HGSNAT: variants seen among roughly 807,000 people sequenced by gnomAD.
HGSNAT encodes heparan-alpha-glucosaminide N-acetyltransferase, also known as transmembrane protein 76.
In HGSNAT, 59 loss-of-function variants were observed where a neutral mutation model predicts 85.2. The ratio of observed to expected loss-of-function variants is 0.69; its 90% CI spans 0.56 to 0.86. The LOEUF is 0.86. Among genes scored for constraint, HGSNAT ranks in the 40% least tolerant of loss-of-function variants. The probability of loss-of-function intolerance (pLI) is 0.00; values close to 1 mark genes in which losing one functional copy is unlikely to be tolerated. For synonymous variants in HGSNAT, 321 were observed against 304.5 expected (o/e 1.05, Z -0.56); for missense variants, 756 against 777.1 (o/e 0.97, Z 0.32).
rs1311275746 is a variant in HGSNAT at position 43,197,715 on chromosome 8, G to C, written c.1586G>C (p.Gly529Ala). 8 of 1,613,318 alleles carry C rather than the reference G, an allele frequency of 5.0e-6. No homozygotes were observed. Among genetic ancestry groups the C allele is most frequent in the Non-Finnish European group, 6.8e-6 (8 of 1,179,424 alleles). Residue 529 changes from glycine (G) to alanine (A), a missense_variant, in exon 16 of 18, where the codon GGC (glycine) becomes GCC (alanine). Transcript: ENST00000379644. ...VALTKVSENE[G>A]FIPVNKNLWS... Reference sequence around the variant, plus strand: ...CTGACGAAGGTTTCTGAAAATGAAGGCTTTATTCCAGTAAACAAAAATCTC... The same window carrying C: ...CTGACGAAGGTTTCTGAAAATGAAGCCTTTATTCCAGTAAACAAAAATCTC...
chr8:43,173,744 G>C lies in HGSNAT; in HGVS notation c.851+1G>C. The C allele has an allele frequency of 6.2e-7, 1 of 1,612,188 alleles. No individual in the cohort carries two copies. Among genetic ancestry groups the C allele is most frequent in the Non-Finnish European group, 8.5e-7 (1 of 1,179,124 alleles). ...CAGTGGCTGACCTCGTGTTCCCGTG[G>C]TGAGTTGCCGGTCTGCCCTCTTCTC... On this transcript the variant is annotated splice_donor_variant, in intron 9 of 17. Coordinates refer to ENST00000379644, the MANE Select transcript of HGSNAT (RefSeq NM_152419.3). LOFTEE classifies it high-confidence loss of function.
intron 2 of HGSNAT, among the ~76,000 whole-genome samples, chr8:43,153,598 A>G (rs932100645): frequency 2.0e-5 from 3 of 152,056 alleles, no homozygotes; most frequent in Non-Finnish European, 4.4e-5. Context: ...CTCTTCATCT[A>G]TTTTGCAATA....
rs111450094 is a variant in HGSNAT at position 43,192,084 on chromosome 8, A to G, written c.1251-220A>G. 0.026 allele frequency among the ~76,000 whole-genome samples: 3,906 copies of G among 152,144 alleles called. 168 individuals are homozygous for G. The highest frequency in any genetic ancestry group is 0.09 in the African/African-American group (3,741 of 41,484). ...GCTGGGATTACAGGCGCACACCACC[A>G]TGCCCGGCTAATTTTTGTATTTTAA... On this transcript the variant is annotated intron_variant, in intron 12 of 17. Transcript: ENST00000379644.
intron 1 of HGSNAT, among the ~76,000 whole-genome samples, chr8:43,141,597 T>C (rs969614961): frequency 6.6e-6 from 1 of 152,018 alleles, no homozygotes; most frequent in East Asian, 1.9e-4. Context: ...CACCTGTCTT[T>C]CCCCTCTCGC....
rs1803163166 is a variant in HGSNAT, at chr8:43,158,512, C to T, written c.235-63C>T. The T allele has an allele frequency of 4.4e-6, 7 of 1,577,534 alleles. No individual in the cohort carries two copies. The Admixed American group carries it at 1.0e-4, about 23-fold the overall frequency. The stretch of plus-strand genomic sequence containing the variant: ...GGATCTCCAGTTGGATATTTATGTC[C>T]TCCAGCAATCAACAGATGTTGAAAA... On this transcript the variant is annotated intron_variant, in intron 2 of 17. Coordinates refer to ENST00000379644, the MANE Select transcript of HGSNAT (RefSeq NM_152419.3).
At chr8:43,183,964 T>G (rs1446673938) in intron 11 of HGSNAT, among the ~76,000 whole-genome samples, 1 of 152,136 alleles carries the variant, frequency 6.6e-6, no homozygotes, top group African/African-American at 2.4e-5. Context: ...AGGACATGAA[T>G]TCATCCTTTT....
intron 10 of HGSNAT, among the ~76,000 whole-genome samples, chr8:43,181,312 T>C (rs1804115158): frequency 6.6e-6 from 1 of 151,782 alleles, no homozygotes; most frequent in African/African-American, 2.4e-5. Context: ...GCTGGGTTTC[T>C]GGAAGGAGTA....
At position 43,140,465 on chromosome 8, in the gene HGSNAT, G is replaced by C. The variant is rs938459078; in HGVS notation, c.-32G>C. On this transcript the variant is annotated 5_prime_UTR_variant, in exon 1 of 18. Coordinates refer to ENST00000379644, the MANE Select transcript of HGSNAT (RefSeq NM_152419.3). The stretch of plus-strand genomic sequence containing the variant: ...GAGCAGCGCAGGGCGGGGCGCAGCG[G>C]GCAGGCAAGGGCGGCCGAGCGGGCG... The C allele has an allele frequency of 1.1e-6, 1 of 911,892 alleles. No homozygotes were observed. The highest frequency in any genetic ancestry group is 1.3e-6 in the Non-Finnish European group (1 of 762,222). 56.5% of individuals were successfully genotyped at this position (911,892 alleles called of 1,614,324 possible).
intron 12 of HGSNAT, among the ~76,000 whole-genome samples, 152 bp downstream of exon 12, chr8:43,191,747 G>T (rs189140945): frequency 2.0e-5 from 3 of 152,232 alleles, no homozygotes; most frequent in Admixed American, 2.0e-4. Context: ...AGATTGGCAC[G>T]TGTCCAGAGT....
chr8:43,191,409 A>G, intron 11 of HGSNAT, 65 bp from the exon 12 acceptor site: 2 of 1,568,106 alleles, frequency 1.3e-6, no homozygotes, highest in Non-Finnish European at 1.7e-6. Context: ...TCCTAAAGAC[A>G]TGTGCTTAGT....
At chr8:43,140,666 C>A in intron 1 of HGSNAT, 52 bp downstream of exon 1, 1 of 941,692 alleles carries the variant, frequency 1.1e-6, no homozygotes, top group South Asian at 3.0e-5. Flanking sequence ...GCAGCGTCTC[C>A]TCTCCGCGGC....
chr8:43,147,045 A>G lies in HGSNAT; in HGVS notation c.216A>G (p.Lys72=). 1 of 1,599,044 alleles carries G rather than the reference A, an allele frequency of 6.3e-7. No individual in the cohort carries two copies. Among genetic ancestry groups the G allele is most frequent in the Non-Finnish European group, 8.5e-7 (1 of 1,172,956 alleles). The part of the protein sequence containing the change: ...LLWTNLTVYW[K]SECCYHCLFQ... ...GGACCAACTTGACCGTCTACTGGAA[A>G]TCTGAATGCTGTTATCACGTATGTA... The change falls in exon 2 of 18, where the codon AAA becomes AAG. Residue 72 remains lysine, a synonymous_variant. Coordinates refer to ENST00000379644, the MANE Select transcript of HGSNAT (RefSeq NM_152419.3).
At chr8:43,153,332 T>C (rs1456847537) in intron 2 of HGSNAT, among the ~76,000 whole-genome samples, 1 of 152,096 alleles carries the variant, frequency 6.6e-6, no homozygotes, top group Admixed American at 6.6e-5. Flanking sequence ...AAAAAAAATT[T>C]TAAAAGGCAG....
chr8:43,154,459 C>T (rs1267108091), intron 2 of HGSNAT, among the ~76,000 whole-genome samples: 2 of 151,328 alleles, frequency 1.3e-5, no homozygotes, highest in Non-Finnish European at 2.9e-5. Flanking sequence ...GTTTTTTGTC[C>T]TTGCGATAGT....
Position 43,150,991 on chromosome 8 carries a change from A to C in HGSNAT, c.234+3928A>C, listed in dbSNP as rs181292089. ...AAACTTGTACTTTTTGATGAAGTAG[A>C]TATTAGAATAAAAGGGGCTAGTTAA... On this transcript the variant is annotated intron_variant, in intron 2 of 17. Transcript: ENST00000379644. Among the ~76,000 whole-genome samples, 18 of 152,304 alleles carry C rather than the reference A, an allele frequency of 1.2e-4. No homozygotes were observed. In the East Asian group the frequency reaches 2.3e-3, roughly 20 times the overall value.
chr8:43,190,111 G>C (rs972765926), intron 11 of HGSNAT, among the ~76,000 whole-genome samples: 3 of 152,166 alleles, frequency 2.0e-5, no homozygotes, highest in African/African-American at 4.8e-5. Context: ...TATTGTGCTT[G>C]GCTATTTGCA....
At position 43,147,024 on chromosome 8, in the gene HGSNAT, C is replaced by T. The variant is rs1307220758; in HGVS notation, c.195C>T (p.Thr65=). The change falls in exon 2 of 18, where the codon ACC becomes ACT. Residue 65 remains threonine (T), a synonymous_variant. Transcript: ENST00000379644. ...LLLIHNELLW[T]NLTVYWKSEC... ...TCATCCATAATGAACTTCTCTGGAC[C>T]AACTTGACCGTCTACTGGAAATCTG... is the stretch of plus-strand genomic sequence containing the variant. The T allele has an allele frequency of 6.2e-7, 1 of 1,607,778 alleles. No individual in the cohort carries two copies. The highest frequency in any genetic ancestry group is 8.5e-7 in the Non-Finnish European group (1 of 1,177,780).
At chr8:43,168,360 T>C (rs1803501832) in intron 5 of HGSNAT, among the ~76,000 whole-genome samples, 2 of 151,462 alleles carry the variant, frequency 1.3e-5, no homozygotes, top group African/African-American at 4.8e-5. Flanking sequence ...GTTAGGTTTT[T>C]GCTTTTTGTA....
Position 43,178,077 on chromosome 8 carries a change from T to C in HGSNAT, c.855T>C (p.Phe285=), listed in dbSNP as rs1803875729. Residue 285 remains phenylalanine (F), a synonymous_variant, in exon 10 of 18, where the codon TTT becomes TTC. Coordinates refer to ENST00000379644, the MANE Select transcript of HGSNAT (RefSeq NM_152419.3). ...LTVADLVFPW[F]VFIMGSSIFL... is the part of the protein sequence containing the mutation. ...TTAATAACTAGATTCTTTTTAGGTT[T>C]GTATTTATTATGGGATCTTCCATTT... 1 of 1,613,212 alleles carries C rather than the reference T, an allele frequency of 6.2e-7. No homozygotes were observed. The highest frequency in any genetic ancestry group is 8.5e-7 in the Non-Finnish European group (1 of 1,179,338).
Sources: gnomAD v4.1 joint callset for allele counts (sites outside exome capture counted in the v4.1 genomes callset) on GRCh38, gnomAD v4.1.1 for gene constraint, MANE v1.5 for transcripts, NCBI Gene and HGNC (gene_info 2026-07-23, HGNC 2026-07-21) for gene names.